MEGF10: variants seen among roughly 807,000 people sequenced by gnomAD.
MEGF10 encodes multiple epidermal growth factor-like domains protein 10.
MEGF10 carries 86 observed loss-of-function variants against 147.5 expected under a neutral mutation model. That is an observed-to-expected ratio of 0.58 (90% CI 0.49 to 0.70). The LOEUF (loss-of-function observed/expected upper bound fraction) is 0.70, where lower values mean the gene tolerates loss of function less well. Among genes scored for constraint, MEGF10 ranks in the 30% least tolerant of loss-of-function variants. The probability of loss-of-function intolerance (pLI) is 0.00; values close to 1 mark genes in which losing one functional copy is unlikely to be tolerated. For synonymous variants in MEGF10, 478 were observed against 525.5 expected, an observed-to-expected ratio of 0.91 and a Z score of 1.24; for missense variants, 1,329 against 1,487.3, an observed-to-expected ratio of 0.89 and a Z score of 1.75.
the MEGF10 span, among the ~76,000 whole-genome samples, chr5:127,230,939 A>T: frequency 6.6e-6 from 1 of 152,194 alleles, no homozygotes; most frequent in African/African-American, 2.4e-5. Context: ...AATTGCCCAG[A>T]GTTGGGCAAG....
intron 9 of MEGF10, among the ~76,000 whole-genome samples, chr5:127,415,144 A>G (rs1764710054): frequency 6.6e-6 from 1 of 152,124 alleles, no homozygotes; most frequent in South Asian, 2.1e-4. Flanking sequence ...AAGAGAGAAT[A>G]ATGATGAAAG....
intron 4 of MEGF10, among the ~76,000 whole-genome samples, chr5:127,365,895 G>A (rs578123570): frequency 1.6e-4 from 24 of 152,232 alleles, no homozygotes; most frequent in African/African-American, 5.5e-4. Context: ...TCCCATTCAT[G>A]GGACAACCAC....
intron 1 of MEGF10, among the ~76,000 whole-genome samples, chr5:127,318,196 A>G (rs897297600): frequency 5.9e-5 from 9 of 152,178 alleles, no homozygotes; most frequent in African/African-American, 1.9e-4. Flanking sequence ...GCCCCTCCCC[A>G]GACACTGAAT....
intron 21 of MEGF10, among the ~76,000 whole-genome samples, chr5:127,448,465 T>C (rs1483359165): frequency 6.6e-6 from 1 of 152,182 alleles, no homozygotes; most frequent in Non-Finnish European, 1.5e-5. Flanking sequence ...AAACATTTCT[T>C]TCTTCCAGTC....
chr5:127,371,981 A>C (rs1465650332), intron 5 of MEGF10, among the ~76,000 whole-genome samples: 2 of 152,238 alleles, frequency 1.3e-5, no homozygotes, highest in Non-Finnish European at 2.9e-5. Context: ...CTGAACCCAG[A>C]ATATAGGTCT....
At chr5:127,323,535 G>A (rs1441054080) in intron 1 of MEGF10, among the ~76,000 whole-genome samples, 1 of 152,204 alleles carries the variant, frequency 6.6e-6, no homozygotes, top group African/African-American at 2.4e-5. Context: ...ACTTCTGTAT[G>A]TTAATGCTAC....
At chr5:127,296,957 T>TTTTTG (rs1330475766) in intron 1 of MEGF10, among the ~76,000 whole-genome samples, 1 of 152,166 alleles carries the variant, frequency 6.6e-6, no homozygotes, top group South Asian at 2.1e-4. Flanking sequence ...CCACCAGTTT[T>TTTTTG]TTTTGTTTTG....
In MEGF10 at chr5:127,458,370, C is replaced by A. The variant is rs192309131; in HGVS notation, c.*1052C>A. On this transcript the variant is annotated 3_prime_UTR_variant, in exon 25 of 25. Transcript: ENST00000503335. The stretch of plus-strand genomic sequence containing the variant: ...AGGGAACTTTCCTTTTATTAATTGT[C>A]AATTTAGAGAAACTATGCTTAAGCT... The A allele has an allele frequency of 2.6e-4, 40 of 152,232 alleles. No individual in the cohort carries two copies. In the East Asian group the frequency reaches 7.1e-3, roughly 27 times the overall value. 9.4% of individuals were successfully genotyped at this position (152,232 alleles called of 1,614,324 possible).
chr5:127,371,615 T>C (rs1272481159), intron 5 of MEGF10, among the ~76,000 whole-genome samples: 2 of 152,168 alleles, frequency 1.3e-5, no homozygotes, highest in African/African-American at 4.8e-5. Flanking sequence ...ATACTTTGTC[T>C]CCTAAGAATT....
At chr5:127,352,133 T>C (rs887495930) in intron 4 of MEGF10, among the ~76,000 whole-genome samples, 1 of 152,050 alleles carries the variant, frequency 6.6e-6, no homozygotes, top group Non-Finnish European at 1.5e-5. Flanking sequence ...AAAATGGATA[T>C]TGGGAGACAG....
the MEGF10 span, among the ~76,000 whole-genome samples, chr5:127,241,978 C>G: frequency 6.6e-6 from 1 of 151,976 alleles, no homozygotes; most frequent in Non-Finnish European, 1.5e-5. Flanking sequence ...AGATATAGCT[C>G]CTTGTTTATG....
At chr5:127,244,819 C>T in the MEGF10 span, among the ~76,000 whole-genome samples, 1 of 152,012 alleles carries the variant, frequency 6.6e-6, no homozygotes, top group Admixed American at 6.6e-5. Flanking sequence ...AATTGTATGA[C>T]TCACGTATAC....
the MEGF10 span, among the ~76,000 whole-genome samples, chr5:127,258,028 C>T: frequency 9.6e-3 from 1,463 of 152,228 alleles, 18 homozygotes; most frequent in African/African-American, 0.033. Flanking sequence ...TTCTGCAAGT[C>T]CATGGGTTTA....
chr5:127,452,902 T>G (rs1444216112), intron 22 of MEGF10, among the ~76,000 whole-genome samples: 1 of 152,176 alleles, frequency 6.6e-6, no homozygotes, highest in African/African-American at 2.4e-5. Flanking sequence ...TGGGCTTGGT[T>G]AGACTCTTCA....
intron 1 of MEGF10, among the ~76,000 whole-genome samples, chr5:127,329,148 A>G (rs1366091720): frequency 6.6e-6 from 1 of 152,192 alleles, no homozygotes; most frequent in Non-Finnish European, 1.5e-5. Context: ...GCTTCTTTAT[A>G]TAATGTTAAG....
intron 4 of MEGF10, among the ~76,000 whole-genome samples, chr5:127,344,857 T>C (rs575701527): frequency 6.6e-6 from 1 of 152,352 alleles, no homozygotes; most frequent in South Asian, 2.1e-4. Flanking sequence ...GACTGATCGC[T>C]GACCTTACAG....
the MEGF10 span, among the ~76,000 whole-genome samples, chr5:127,258,989 G>A: frequency 6.6e-6 from 1 of 152,172 alleles, no homozygotes; most frequent in East Asian, 1.9e-4. Flanking sequence ...GGTCATTGGA[G>A]AATGGCTGAG....
intron 12 of MEGF10, among the ~76,000 whole-genome samples, chr5:127,420,596 A>G (rs1305976355): frequency 1.3e-5 from 2 of 152,060 alleles, no homozygotes; most frequent in African/African-American, 2.4e-5. Flanking sequence ...GGGAGTTGAA[A>G]GGAGGGTGGT....
At chr5:127,409,847 G>T (rs1208542080) in intron 8 of MEGF10, 1 of 157,086 alleles carries the variant, frequency 6.4e-6, no homozygotes. Context: ...ATTAGTTAAA[G>T]AACTTTCTAA....
Sources: gnomAD v4.1 joint callset for allele counts (sites outside exome capture counted in the v4.1 genomes callset) on GRCh38, gnomAD v4.1.1 for gene constraint, MANE v1.5 for transcripts, NCBI Gene and HGNC (gene_info 2026-07-23, HGNC 2026-07-21) for gene names.